Variants in FCF1 observed in about 807,000 individuals in gnomAD.
The protein encoded by FCF1 is rRNA-processing protein FCF1 homolog.
FCF1 carries 17 observed loss-of-function variants against 32.5 expected under a neutral mutation model. The ratio of observed to expected loss-of-function variants is 0.52; its 90% CI spans 0.36 to 0.78. The LOEUF is 0.78. Ranked by LOEUF, FCF1 falls within the 30% of genes least tolerant of loss-of-function variation. The probability of loss-of-function intolerance (pLI) is 0.00; values close to 1 mark genes in which losing one functional copy is unlikely to be tolerated. For missense variants in FCF1, 201 were observed against 241.1 expected (o/e 0.83, Z 1.10); for synonymous variants, 84 against 78.4 (o/e 1.07, Z -0.38).
At chr14:74,734,822 G>C (rs566059137) in intron 7 of FCF1, 60 bp from the exon 8 acceptor site, 95 of 1,449,708 alleles carry the variant, frequency 6.6e-5, no homozygotes, top group Middle Eastern at 1.7e-4. Flanking sequence ...TAAAGGATGG[G>C]TTTTTAGATG....
At chr14:74,734,804 G>A in intron 7 of FCF1, 78 bp from the exon 8 acceptor site, 2 of 1,113,296 alleles carry the variant, frequency 1.8e-6, no homozygotes, top group South Asian at 1.3e-5. Context: ...TGAGAGTATT[G>A]CAGTCTATAA....
chr14:74,729,517 C>T (rs187926358), intron 5 of FCF1, among the ~76,000 whole-genome samples: 4 of 151,978 alleles, frequency 2.6e-5, no homozygotes, highest in African/African-American at 7.2e-5. Flanking sequence ...GTCTTGGTAG[C>T]GGTTTATCAG....
chr14:74,724,949 GA>G (rs1220301593), intron 5 of FCF1, among the ~76,000 whole-genome samples: 1 of 151,758 alleles, frequency 6.6e-6, no homozygotes, highest in Non-Finnish European at 1.5e-5. Context: ...TGAATATGTA[GA>G]AAAAATTGGG....
At chr14:74,728,432 T>A (rs1350709671) in intron 5 of FCF1, among the ~76,000 whole-genome samples, 1 of 152,172 alleles carries the variant, frequency 6.6e-6, no homozygotes, top group Non-Finnish European at 1.5e-5. Context: ...TAAGAATGCT[T>A]GTGATTTTTT....
intron 6 of FCF1, 43 bp from the exon 7 acceptor site, chr14:74,734,033 G>T: frequency 7.6e-7 from 1 of 1,321,094 alleles, no homozygotes; most frequent in African/African-American, 1.4e-5. Flanking sequence ...CACTAAGCGT[G>T]CTCAGTGACC....
At chr14:74,726,300 A>G (rs1224227747) in intron 5 of FCF1, among the ~76,000 whole-genome samples, 1 of 151,604 alleles carries the variant, frequency 6.6e-6, no homozygotes. Context: ...CAGCCTGGGC[A>G]ACATAGTGAG....
At chr14:74,716,394 A>T (rs2140019299) in intron 4 of FCF1, among the ~76,000 whole-genome samples, 1 of 152,354 alleles carries the variant, frequency 6.6e-6, no homozygotes, top group African/African-American at 2.4e-5. Context: ...TTAAAATTCT[A>T]GATAAATGAA....
In FCF1 at chr14:74,735,363, A is replaced by G. The variant is rs1467468816; in HGVS notation, c.*433A>G. 1 of 152,818 alleles carries G rather than the reference A, an allele frequency of 6.5e-6. No individual in the cohort carries two copies. Among genetic ancestry groups the G allele is most frequent in the African/African-American group, 2.4e-5 (1 of 41,466 alleles). 9.5% of individuals were successfully genotyped at this position (152,818 alleles called of 1,614,324 possible). ...GAAAGGAGGAGAGATAAGGCTCACT[A>G]GCCACAGAAAAACAGGCAGTTAATT... On this transcript the variant is annotated 3_prime_UTR_variant, in exon 8 of 8. Coordinates refer to ENST00000341162, the MANE Select transcript of FCF1 (RefSeq NM_015962.5).
At chr14:74,722,984 A>T (rs867709536) in intron 4 of FCF1, among the ~76,000 whole-genome samples, 2 of 151,924 alleles carry the variant, frequency 1.3e-5, no homozygotes, top group African/African-American at 2.4e-5. Flanking sequence ...AAAATAAATA[A>T]TTTTTTTCCC....
chr14:74,725,068 G>A (rs2090557904), intron 5 of FCF1, among the ~76,000 whole-genome samples: 1 of 120,760 alleles, frequency 8.3e-6, no homozygotes, highest in African/African-American at 2.7e-5. Flanking sequence ...ATGGGTTCTG[G>A]TAAAAAAAAA....
At chr14:74,723,658 A>G (rs916179350) in intron 5 of FCF1, among the ~76,000 whole-genome samples, 1 of 151,890 alleles carries the variant, frequency 6.6e-6, no homozygotes, top group Non-Finnish European at 1.5e-5. Context: ...GAGAAACCCT[A>G]TCTCTTCTAA....
intron 7 of FCF1, 90 bp from the exon 8 acceptor site, chr14:74,734,792 G>C: frequency 1.0e-6 from 1 of 973,656 alleles, no homozygotes. Flanking sequence ...TCACAGTGGG[G>C]GTGAGAGTAT....
rs1199592244 is a variant in FCF1 at position 74,735,908 on chromosome 14, ATTTG to A, written c.*986_*989del. On this transcript the variant is annotated 3_prime_UTR_variant, in exon 8 of 8. Transcript: ENST00000341162. ...CTGCTTTTTTGTTGTTTGTTTGTTT[ATTTG>A]TTTGTTTTGAGACGGAGTCTCGCTC... 7.6e-6 allele frequency: 1 copy of A among 131,242 alleles called. No homozygotes were observed. The highest frequency in any genetic ancestry group is 2.9e-5 in the African/African-American group (1 of 34,398). 8.1% of individuals were successfully genotyped at this position (131,242 alleles called of 1,614,324 possible). A position where few individuals can be genotyped will look rare whatever the true frequency, so the allele number is the denominator to read the frequency against.
At chr14:74,725,993 A>G (rs1476675588) in intron 5 of FCF1, among the ~76,000 whole-genome samples, 2 of 151,706 alleles carry the variant, frequency 1.3e-5, no homozygotes, top group Admixed American at 6.6e-5. Context: ...ACGGAGTTCA[A>G]GGTTGCAGTG....
At chr14:74,732,896 C>A in intron 6 of FCF1, 78 bp downstream of exon 6, 2 of 844,602 alleles carry the variant, frequency 2.4e-6, no homozygotes, top group East Asian at 2.5e-5. Context: ...TGTTCATGGT[C>A]AGTAAAACAT....
rs959900580 is a variant in FCF1, at chr14:74,735,207, T to G, written c.*277T>G. 2.9e-6 allele frequency: 1 copy of G among 349,438 alleles called. No individual in the cohort carries two copies. The highest frequency in any genetic ancestry group is 2.1e-5 in the African/African-American group (1 of 47,430). The allele number at this position is 349,438 out of a possible 1,614,324, so 21.6% of individuals were successfully genotyped here. A position where few individuals can be genotyped will look rare whatever the true frequency, so the allele number is the denominator to read the frequency against. ...ATTACAGAAGCAAGAAAGACAGTTATTCAATTAACTGAGACATGCATTACA... is the reference window on the plus strand; with the variant it reads ...ATTACAGAAGCAAGAAAGACAGTTAGTCAATTAACTGAGACATGCATTACA... On this transcript the variant is annotated 3_prime_UTR_variant, in exon 8 of 8. Coordinates refer to ENST00000341162, the MANE Select transcript of FCF1 (RefSeq NM_015962.5).
intron 5 of FCF1, among the ~76,000 whole-genome samples, chr14:74,727,553 A>G (rs1466945479): frequency 6.6e-6 from 1 of 151,146 alleles, no homozygotes; most frequent in Non-Finnish European, 1.5e-5. Flanking sequence ...CCCATTTTGT[A>G]GGTTGCCTGT....
intron 7 of FCF1, among the ~76,000 whole-genome samples, 198 bp downstream of exon 7, chr14:74,734,368 TA>T (rs3214408): frequency 0.23 from 34,419 of 151,958 alleles, 4,037 homozygotes; most frequent in South Asian, 0.31. Flanking sequence ...GGCAAACATT[TA>T]AATTGTTAGA....
chr14:74,722,972 TAAAA>T (rs967902300), intron 4 of FCF1, among the ~76,000 whole-genome samples: 2 of 151,822 alleles, frequency 1.3e-5, no homozygotes, highest in African/African-American at 4.8e-5. Flanking sequence ...AAAAAAATAA[TAAAA>T]ATAAATAATT....
Sources: allele counts gnomAD v4.1 joint callset (sites outside exome capture counted in the v4.1 genomes callset), GRCh38; gene constraint gnomAD v4.1.1; transcripts MANE v1.5; gene names NCBI Gene and HGNC (gene_info 2026-07-23, HGNC 2026-07-21).